The following GPC5 variants were observed in gnomAD, a reference collection of about 807,000 sequenced individuals.
The protein encoded by GPC5 is glypican 5, also known as glypican-5.
Under a neutral mutation model 53.9 loss-of-function variants are expected in GPC5, and 47 were observed. The ratio of observed to expected loss-of-function variants is 0.87; its 90% confidence interval spans 0.69 to 1.11. The LOEUF (loss-of-function observed/expected upper bound fraction) is 1.11, where lower values mean the gene tolerates loss of function less well. Ranked by LOEUF, GPC5 falls within the 50% of genes most tolerant of loss-of-function variation. The pLI is 0.00. For synonymous variants in GPC5, 286 were observed against 263.3 expected, an observed-to-expected ratio of 1.09 and a Z score of -0.84; for missense variants, 748 against 713.1, an observed-to-expected ratio of 1.05 and a Z score of -0.56.
rs1159860044 is a variant in GPC5, at chr13:91,499,499, A to C, written c.325+50577A>C. The stretch of plus-strand genomic sequence containing the variant: ...TTTTGGCATATCTTCCTGCCCTAGT[A>C]AACTTTGAAAACGAAGCTTTCTTAA... On this transcript the variant is annotated intron_variant, in intron 2 of 7. Transcript: ENST00000377067. 7.2e-5 allele frequency among the ~76,000 whole-genome samples: 11 copies of C among 152,200 alleles called. 1 individual carries two copies. Among genetic ancestry groups the C allele is most frequent in the Admixed American group, 7.2e-4 (11 of 15,282 alleles).
chr13:92,516,453 C>CA (rs1360556004), intron 7 of GPC5, among the ~76,000 whole-genome samples: 2 of 151,986 alleles, frequency 1.3e-5, no homozygotes, highest in Non-Finnish European at 2.9e-5. Context: ...CTGCTAGAGT[C>CA]AAAATGGCTA....
intron 2 of GPC5, among the ~76,000 whole-genome samples, chr13:91,642,703 TA>T (rs2034459926): frequency 8.3e-6 from 1 of 120,440 alleles, no homozygotes; most frequent in South Asian, 3.1e-4. Flanking sequence ...ATGTCAAGTT[TA>T]AGGAAGAGCT....
At chr13:92,038,200 A>G (rs570230383) in intron 6 of GPC5, among the ~76,000 whole-genome samples, 73 of 151,948 alleles carry the variant, frequency 4.8e-4, no homozygotes, top group Non-Finnish European at 7.8e-4. Flanking sequence ...ATCTGGAATG[A>G]TGGCATTGAC....
chr13:91,505,288 A>G (rs979248602), intron 2 of GPC5, among the ~76,000 whole-genome samples: 1 of 152,220 alleles, frequency 6.6e-6, no homozygotes, highest in African/African-American at 2.4e-5. Flanking sequence ...ATAGCGAGAT[A>G]TATCAAGAGA....
chr13:92,247,660 T>C (rs2042662626), intron 7 of GPC5, among the ~76,000 whole-genome samples: 1 of 152,094 alleles, frequency 6.6e-6, no homozygotes, highest in African/African-American at 2.4e-5. Flanking sequence ...TCAAATAATC[T>C]AATGAGTGAT....
intron 7 of GPC5, among the ~76,000 whole-genome samples, chr13:92,585,840 A>C (rs921870446): frequency 7.2e-5 from 11 of 152,126 alleles, no homozygotes; most frequent in African/African-American, 2.4e-4. Context: ...TGTCCTGCAC[A>C]AGCTCTCTCT....
chr13:92,454,904 G>C (rs1878200687), intron 7 of GPC5, among the ~76,000 whole-genome samples: 1 of 152,134 alleles, frequency 6.6e-6, no homozygotes, highest in Admixed American at 6.6e-5. Context: ...GGACCAATGA[G>C]CTTAATTCTG....
intron 2 of GPC5, among the ~76,000 whole-genome samples, chr13:91,626,221 C>T (rs1030347550): frequency 6.6e-6 from 1 of 152,122 alleles, no homozygotes; most frequent in Non-Finnish European, 1.5e-5. Flanking sequence ...CATGGAGAGA[C>T]ATTTGTTACA....
rs145391274 is a variant in GPC5 at position 91,511,267 on chromosome 13, A to G, written c.325+62345A>G. Among the ~76,000 whole-genome samples, 27 of 151,942 alleles carry G rather than the reference A, an allele frequency of 1.8e-4. No individual in the cohort carries two copies. The East Asian group carries it at 5.2e-3, about 29-fold the overall frequency. ...CTGTAATTCATATATATTTTTCCCT[A>G]TATGGAATGCATTCTGTTTTTCTCT... On this transcript the variant is annotated intron_variant, in intron 2 of 7. Coordinates refer to ENST00000377067, the MANE Select transcript of GPC5 (RefSeq NM_004466.6).
At chr13:91,418,040 C>T (rs985089363) in intron 1 of GPC5, among the ~76,000 whole-genome samples, 1 of 152,144 alleles carries the variant, frequency 6.6e-6, no homozygotes, top group Non-Finnish European at 1.5e-5. Context: ...CTCTTACCTT[C>T]CAACTCCATC....
intron 7 of GPC5, among the ~76,000 whole-genome samples, chr13:92,457,709 C>G (rs1371871554): frequency 6.6e-6 from 1 of 151,868 alleles, no homozygotes; most frequent in African/African-American, 2.4e-5. Flanking sequence ...TATATTCCAT[C>G]CATGCAAAAT....
chr13:91,974,440 T>A (rs947822830), intron 6 of GPC5, among the ~76,000 whole-genome samples: 2 of 151,926 alleles, frequency 1.3e-5, no homozygotes, highest in African/African-American at 2.4e-5. Flanking sequence ...ACAAAATCAA[T>A]GTACAAAAAT....
chr13:92,122,819 A>G (rs1330967458), intron 6 of GPC5, among the ~76,000 whole-genome samples: 1 of 150,602 alleles, frequency 6.6e-6, no homozygotes, highest in East Asian at 2.0e-4. Flanking sequence ...TAAAGAAGCA[A>G]AAACCTTTTT....
At chr13:92,119,199 C>T (rs916551580) in intron 6 of GPC5, among the ~76,000 whole-genome samples, 1 of 152,002 alleles carries the variant, frequency 6.6e-6, no homozygotes, top group Non-Finnish European at 1.5e-5. Context: ...CTTTATAAAA[C>T]CATCAGCTCT....
intron 6 of GPC5, among the ~76,000 whole-genome samples, chr13:92,143,261 A>G (rs555503013): frequency 6.6e-6 from 1 of 152,258 alleles, no homozygotes; most frequent in South Asian, 2.1e-4. Context: ...TACTAAATAG[A>G]TAACAAATGG....
chr13:92,371,514 C>T (rs1013690920), intron 7 of GPC5, among the ~76,000 whole-genome samples: 1 of 152,062 alleles, frequency 6.6e-6, no homozygotes. Flanking sequence ...TAAAGACATA[C>T]ACAAGACTGG....
At chr13:92,814,266 A>G (rs1413416246) in intron 7 of GPC5, among the ~76,000 whole-genome samples, 1 of 152,120 alleles carries the variant, frequency 6.6e-6, no homozygotes, top group African/African-American at 2.4e-5. Flanking sequence ...AAACTCCCAG[A>G]GGAAAACATA....
intron 7 of GPC5, among the ~76,000 whole-genome samples, chr13:92,679,352 A>C (rs1185839086): frequency 6.6e-6 from 1 of 152,212 alleles, no homozygotes; most frequent in Non-Finnish European, 1.5e-5. Flanking sequence ...TCCCTATAAA[A>C]TTCCAAAATA....
intron 2 of GPC5, among the ~76,000 whole-genome samples, chr13:91,646,070 A>G (rs1203118541): frequency 1.3e-5 from 2 of 152,240 alleles, no homozygotes; most frequent in East Asian, 1.9e-4. Context: ...CAAATGCTGT[A>G]TTAAACATAC....
Sources: gnomAD v4.1 joint callset for allele counts (sites outside exome capture counted in the v4.1 genomes callset) on GRCh38, gnomAD v4.1.1 for gene constraint, MANE v1.5 for transcripts, NCBI Gene and HGNC (gene_info 2026-07-23, HGNC 2026-07-21) for gene names.